Variants in PIGK observed in about 807,000 individuals in gnomAD.
PIGK encodes phosphatidylinositol glycan anchor biosynthesis class K.
A neutral mutation model predicts 50.6 loss-of-function variants in PIGK; 42 were observed. The observed-to-expected ratio is 0.83, with a 90% confidence interval of 0.65 to 1.07. The LOEUF is 1.07. PIGK is among the 50% of genes least tolerant of loss of function. The pLI, the probability that PIGK is intolerant of heterozygous loss-of-function variation, is 0.00. For synonymous variants in PIGK, 151 were observed against 156.0 expected, an observed-to-expected ratio of 0.97 and a Z score of 0.24; for missense variants, 448 against 488.7, an observed-to-expected ratio of 0.92 and a Z score of 0.78.
chr1:77,163,121 A>G (rs1486084361), intron 6 of PIGK, among the ~76,000 whole-genome samples: 1 of 152,214 alleles, frequency 6.6e-6, no homozygotes, highest in African/African-American at 2.4e-5. Context: ...AGACATAATC[A>G]GTGCCTAGTA....
intron 9 of PIGK, among the ~76,000 whole-genome samples, chr1:77,127,703 A>G (rs190295463): frequency 6.6e-6 from 1 of 152,318 alleles, no homozygotes; most frequent in Admixed American, 6.5e-5. Context: ...CACATCATCT[A>G]GAGTAATCCA....
In PIGK at chr1:77,136,470, A is replaced by T. The variant is rs548143002; in HGVS notation, c.987-14111T>A. On this transcript the variant is annotated intron_variant, in intron 9 of 10. Transcript: ENST00000370812. The stretch of plus-strand genomic sequence containing the variant: ...CGTGAACCCGGGAGGCGGAGCTTGC[A>T]GTGAGCCGAGATCCCGCCACTGCAC... 7.9e-5 allele frequency among the ~76,000 whole-genome samples: 11 copies of T among 139,982 alleles called. No homozygotes were observed. The South Asian group carries it at 2.6e-3, about 33-fold the overall frequency. 91.8% of individuals were successfully genotyped at this position (139,982 alleles called of 152,430 possible).
intron 9 of PIGK, among the ~76,000 whole-genome samples, chr1:77,132,643 C>T (rs992102513): frequency 1.3e-5 from 2 of 151,976 alleles, no homozygotes; most frequent in African/African-American, 4.8e-5. Flanking sequence ...CTGATTCTGG[C>T]TCTCTTCATT....
intron 6 of PIGK, among the ~76,000 whole-genome samples, chr1:77,163,205 T>C (rs749906033): frequency 4.6e-5 from 7 of 152,224 alleles, no homozygotes; most frequent in Non-Finnish European, 7.4e-5. Flanking sequence ...TGTAGCATCA[T>C]TGTATACATA....
rs764775611 is a variant in PIGK at position 77,206,665 on chromosome 1, C to T, written c.214G>A (p.Val72Ile). 4 of 1,609,078 alleles carry T rather than the reference C, an allele frequency of 2.5e-6. No individual in the cohort carries two copies. In the African/African-American group the frequency reaches 5.3e-5, roughly 22 times the overall value. ...CTGTCAGGAATACCTAGCCTCTTGA[C>T]ACTTCTATAAACAGAAAGGGTATTT... is the stretch of plus-strand genomic sequence containing the variant. ...VANTLSVYRS[V>I]KRLGIPDSHI... Residue 72 changes from valine to isoleucine, a missense_variant, in exon 3 of 11, where the codon GTC (valine) becomes ATC (isoleucine). By Grantham distance (29) the Val-to-Ile change is conservative. Coordinates refer to ENST00000370812, the MANE Select transcript of PIGK (RefSeq NM_005482.3).
intron 3 of PIGK, among the ~76,000 whole-genome samples, chr1:77,184,222 G>T (rs1655689622): frequency 6.6e-6 from 1 of 152,086 alleles, no homozygotes; most frequent in South Asian, 2.1e-4. Context: ...GCTCCTAGAA[G>T]TGAAATTGAC....
chr1:77,188,694 G>A (rs1340075737), intron 3 of PIGK, among the ~76,000 whole-genome samples: 2 of 152,102 alleles, frequency 1.3e-5, no homozygotes, highest in African/African-American at 4.8e-5. Context: ...GGTTTTTGTG[G>A]CTTGTGGGGC....
chr1:77,115,189 A>T (rs2055480), intron 10 of PIGK, among the ~76,000 whole-genome samples: 1 of 152,198 alleles, frequency 6.6e-6, no homozygotes. Context: ...ACCACAATCC[A>T]TGTCATATAA....
rs140756693 is a variant in PIGK at position 77,201,048 on chromosome 1, A to C, written c.239+5592T>G. On this transcript the variant is annotated intron_variant, in intron 3 of 10. Coordinates refer to ENST00000370812, the MANE Select transcript of PIGK (RefSeq NM_005482.3). ...GAATTACCATACAGTAAGATTGCTAAACAGCTTATTAACGCTCCACTTCAA... is the reference window on the plus strand; with the variant it reads ...GAATTACCATACAGTAAGATTGCTACACAGCTTATTAACGCTCCACTTCAA... 2.5e-3 allele frequency among the ~76,000 whole-genome samples: 388 copies of C among 152,304 alleles called. 2 individuals carry two copies. Among genetic ancestry groups the C allele is most frequent in the African/African-American group, 8.3e-3 (344 of 41,570 alleles).
At chr1:77,171,567 T>C (rs1336885515) in intron 3 of PIGK, among the ~76,000 whole-genome samples, 1 of 150,850 alleles carries the variant, frequency 6.6e-6, no homozygotes, top group Non-Finnish European at 1.5e-5. Flanking sequence ...CAGAAAGAAG[T>C]ACTAACTTCA....
intron 9 of PIGK, among the ~76,000 whole-genome samples, chr1:77,153,128 A>T (rs758329188): frequency 1.3e-5 from 2 of 152,142 alleles, no homozygotes; most frequent in Non-Finnish European, 2.9e-5. Context: ...CCATCAACAG[A>T]TTAATGGAAA....
intron 1 of PIGK, 113 bp from the exon 2 acceptor site, chr1:77,210,602 G>A (rs973940324): frequency 2.3e-5 from 14 of 597,638 alleles, no homozygotes; most frequent in South Asian, 7.3e-5. Flanking sequence ...ATCATCTTAC[G>A]TAAGTTTATG....
Position 77,154,562 on chromosome 1 carries a change from A to C in PIGK, c.873T>G (p.Phe291Leu), listed in dbSNP as rs1253084757. The part of the protein sequence containing the change: ...VSTPGHRTDL[F>L]QRDPKNVLIT... ...TCAGTACATTTTTAGGATCCCTCTG[A>C]AAAAGATCAGTGCGATGTCCAGGAG... The change falls in exon 9 of 11, where the codon TTT (phenylalanine) becomes TTG (leucine). Residue 291 changes from phenylalanine (F) to leucine (L), a missense_variant. Phe to Leu is a conservative substitution (Grantham distance 22, BLOSUM62 0). Coordinates refer to ENST00000370812, the MANE Select transcript of PIGK (RefSeq NM_005482.3). 6.2e-7 allele frequency: 1 copy of C among 1,613,138 alleles called. No individual in the cohort carries two copies. Among genetic ancestry groups the C allele is most frequent in the Admixed American group, 1.7e-5 (1 of 59,978 alleles).
intron 9 of PIGK, among the ~76,000 whole-genome samples, chr1:77,141,219 A>G (rs1406216240): frequency 6.6e-6 from 1 of 152,176 alleles, no homozygotes; most frequent in Non-Finnish European, 1.5e-5. Flanking sequence ...TACTACTTGC[A>G]GTGTAGTACA....
rs557289593 is a variant in PIGK at position 77,179,099 on chromosome 1, T to G, written c.240-9704A>C. On this transcript the variant is annotated intron_variant, in intron 3 of 10. Coordinates refer to ENST00000370812, the MANE Select transcript of PIGK (RefSeq NM_005482.3). Reference sequence around the variant, plus strand: ...CTAAGACTTTAAGGAAACACACAAATCCTAGAACAGACCAGGTTTGTTTTC... The same window carrying G: ...CTAAGACTTTAAGGAAACACACAAAGCCTAGAACAGACCAGGTTTGTTTTC... Among the ~76,000 whole-genome samples the G allele has an allele frequency of 2.0e-5, 3 of 152,272 alleles. No homozygotes were observed. The East Asian group carries it at 5.8e-4, about 29-fold the overall frequency.
intron 6 of PIGK, among the ~76,000 whole-genome samples, chr1:77,163,019 A>T (rs1011802418): frequency 2.0e-5 from 3 of 152,156 alleles, no homozygotes; most frequent in African/African-American, 7.2e-5. Context: ...AATAGTATCT[A>T]CCCCATAGAG....
chr1:77,143,308 A>T (rs1198457187), intron 9 of PIGK, among the ~76,000 whole-genome samples: 2 of 152,150 alleles, frequency 1.3e-5, no homozygotes, highest in Admixed American at 1.3e-4. Context: ...AATATGCCAT[A>T]AGTATCTGAT....
intron 9 of PIGK, among the ~76,000 whole-genome samples, chr1:77,137,896 G>A (rs1339522381): frequency 1.3e-5 from 2 of 152,122 alleles, no homozygotes; most frequent in African/African-American, 2.4e-5. Context: ...GAGCCACCAC[G>A]CCTGGCCCCT....
chr1:77,159,759 A>G (rs1655094660), intron 8 of PIGK, among the ~76,000 whole-genome samples: 1 of 152,122 alleles, frequency 6.6e-6, no homozygotes, highest in Admixed American at 6.5e-5. Context: ...GAACAGGTGT[A>G]TTTACCCAAT....
Sources: gnomAD v4.1 joint callset for allele counts (sites outside exome capture counted in the v4.1 genomes callset) on GRCh38, gnomAD v4.1.1 for gene constraint, MANE v1.5 for transcripts, NCBI Gene and HGNC (gene_info 2026-07-23, HGNC 2026-07-21) for gene names.